Variants in ENAH observed in about 807,000 individuals in gnomAD.
The protein encoded by ENAH is protein enabled homolog.
A neutral mutation model predicts 78.7 loss-of-function variants in ENAH; 23 were observed. The ratio of observed to expected loss-of-function variants is 0.29; its 90% CI spans 0.21 to 0.41. The LOEUF is 0.41. Among genes scored for constraint, ENAH ranks in the 10% least tolerant of loss-of-function variants. The pLI is 1.00. For synonymous variants in ENAH, 226 were observed against 241.0 expected, an observed-to-expected ratio of 0.94 and a Z score of 0.58; for missense variants, 544 against 691.0, an observed-to-expected ratio of 0.79 and a Z score of 2.39.
chr1:225,583,874 C>T (rs1025911267), intron 1 of ENAH, among the ~76,000 whole-genome samples: 4 of 151,672 alleles, frequency 2.6e-5, no homozygotes, highest in Middle Eastern at 3.4e-3. Flanking sequence ...AAATGTAGGC[C>T]GGGCACAGTG....
At chr1:225,648,758 C>T (rs1421440841) in intron 1 of ENAH, among the ~76,000 whole-genome samples, 6 of 134,670 alleles carry the variant, frequency 4.5e-5, no homozygotes, top group East Asian at 2.1e-4. Flanking sequence ...AGATTATCTC[C>T]TTTTTTTTTT....
intron 1 of ENAH, among the ~76,000 whole-genome samples, chr1:225,635,851 T>C (rs1659970108): frequency 6.6e-6 from 1 of 152,194 alleles, no homozygotes; most frequent in African/African-American, 2.4e-5. Flanking sequence ...AGCCCAGGAA[T>C]GCCAAAGACT....
intron 1 of ENAH, among the ~76,000 whole-genome samples, chr1:225,598,168 AC>A (rs1224009996): frequency 4.6e-5 from 7 of 152,196 alleles, no homozygotes; most frequent in Non-Finnish European, 8.8e-5. Flanking sequence ...GAGTTCTTCC[AC>A]TTACAAGAGG....
At chr1:225,546,267 C>T (rs532222270) in intron 3 of ENAH, among the ~76,000 whole-genome samples, 1 of 152,218 alleles carries the variant, frequency 6.6e-6, no homozygotes, top group Admixed American at 6.5e-5. Flanking sequence ...GGATAAGCTA[C>T]TATCAAATAT....
chr1:225,647,016 G>A (rs1011438907), intron 1 of ENAH, among the ~76,000 whole-genome samples: 2 of 151,678 alleles, frequency 1.3e-5, no homozygotes, highest in Admixed American at 1.3e-4. Context: ...CACGAGGTCA[G>A]GAGATCAAGA....
At chr1:225,639,793 T>C (rs1309115846) in intron 1 of ENAH, among the ~76,000 whole-genome samples, 1 of 151,532 alleles carries the variant, frequency 6.6e-6, no homozygotes, top group African/African-American at 2.4e-5. Context: ...TCAATGTGAA[T>C]CCTGGAAGCC....
chr1:225,517,480 G>A (rs761832373), intron 5 of ENAH, 174 bp from the exon 6 acceptor site: 1 of 1,551,598 alleles, frequency 6.4e-7, no homozygotes, highest in African/African-American at 1.4e-5. Context: ...CACTGGATAT[G>A]TTACAGAGTC....
chr1:225,529,395 A>ATC (rs1166370643), intron 4 of ENAH, among the ~76,000 whole-genome samples: 1 of 152,098 alleles, frequency 6.6e-6, no homozygotes, highest in South Asian at 2.1e-4. Flanking sequence ...TCTCAATGAG[A>ATC]TCTACCCTGA....
In ENAH at chr1:225,512,969, G is replaced by A; in HGVS notation, c.1266C>T (p.Asn422=). ...CTGTATCTGTTTTAGATGAGGCGGA[G>A]TTCACACCAATAGCATTCCCTCCAC... is the stretch of plus-strand genomic sequence containing the variant. ...FPSGGNAIGV[N]SASSKTDTGR... is the part of the protein sequence containing the mutation. Residue 422 remains asparagine, a synonymous_variant, in exon 8 of 14, where the codon AAC becomes AAT. Coordinates refer to ENST00000366843, the MANE Select transcript of ENAH (RefSeq NM_018212.6). 1 of 1,613,834 alleles carries A rather than the reference G, an allele frequency of 6.2e-7. No homozygotes were observed. Among genetic ancestry groups the A allele is most frequent in the African/African-American group, 1.3e-5 (1 of 74,998 alleles).
intron 3 of ENAH, among the ~76,000 whole-genome samples, chr1:225,552,897 T>C (rs943021161): frequency 1.3e-5 from 2 of 152,166 alleles, no homozygotes; most frequent in African/African-American, 4.8e-5. Context: ...GAGAATGTAA[T>C]TGAGTCTCTC....
intron 1 of ENAH, among the ~76,000 whole-genome samples, chr1:225,615,200 G>A (rs1209154545): frequency 2.0e-5 from 3 of 152,246 alleles, no homozygotes; most frequent in East Asian, 1.9e-4. Context: ...GCGCCGCCAC[G>A]CCTGACTGGT....
chr1:225,507,457 T>C lies in ENAH; in HGVS notation c.1538+494A>G, dbSNP rs913274920. On this transcript the variant is annotated intron_variant, in intron 11 of 13. Transcript: ENST00000366843. ...AAATTTCTTGAGAGTAATAATGGTA[T>C]TGTGGTTACATAGCAGATGTCCTGG... Among the ~76,000 whole-genome samples the C allele has an allele frequency of 4.6e-5, 7 of 152,224 alleles. No homozygotes were observed. The South Asian group carries it at 1.5e-3, about 32-fold the overall frequency.
In ENAH at chr1:225,495,216, C is replaced by G. The variant is rs1403435316; in HGVS notation, c.*2559G>C. 6.6e-6 allele frequency: 1 copy of G among 152,572 alleles called. No individual in the cohort carries two copies. Among genetic ancestry groups the G allele is most frequent in the Non-Finnish European group, 1.5e-5 (1 of 68,026 alleles). 9.5% of individuals were successfully genotyped at this position (152,572 alleles called of 1,614,324 possible). A position where few individuals can be genotyped will look rare whatever the true frequency, so the allele number is the denominator to read the frequency against. ...TAGAAAGGATCCCCTAAACTGTACTCAGCTTAAGACATCCAACGTACAAGA... is the reference window on the plus strand; with the variant it reads ...TAGAAAGGATCCCCTAAACTGTACTGAGCTTAAGACATCCAACGTACAAGA... On this transcript the variant is annotated 3_prime_UTR_variant, in exon 14 of 14. Transcript: ENST00000366843.
intron 6 of ENAH, 85 bp from the exon 7 acceptor site, chr1:225,514,985 GC>G (rs903291008): frequency 3.4e-5 from 38 of 1,122,388 alleles, no homozygotes; most frequent in Non-Finnish European, 2.0e-5. Context: ...AGAATGCCAT[GC>G]TAAATTAAAC....
chr1:225,562,229 C>T (rs1332271272), intron 2 of ENAH, among the ~76,000 whole-genome samples: 1 of 151,848 alleles, frequency 6.6e-6, no homozygotes. Context: ...CCAACATTCC[C>T]ATTCTTTACT....
At chr1:225,521,058 GCA>G (rs1011660392) in intron 4 of ENAH, among the ~76,000 whole-genome samples, 1 of 151,430 alleles carries the variant, frequency 6.6e-6, no homozygotes, top group African/African-American at 2.4e-5. Context: ...GCACGCGCGC[GCA>G]CACACACACA....
intron 12 of ENAH, 63 bp downstream of exon 12, chr1:225,500,929 A>T (rs1219117004): frequency 5.7e-6 from 8 of 1,408,328 alleles, no homozygotes; most frequent in Non-Finnish European, 7.0e-6. Context: ...AAAGATATGC[A>T]TATGGGATAT....
At chr1:225,557,858 T>G (rs1389656278) in intron 2 of ENAH, among the ~76,000 whole-genome samples, 1 of 152,052 alleles carries the variant, frequency 6.6e-6, no homozygotes, top group South Asian at 2.1e-4. Flanking sequence ...AAATGACTTT[T>G]CATGTAATAA....
intron 3 of ENAH, among the ~76,000 whole-genome samples, chr1:225,550,234 C>T (rs912230971): frequency 6.6e-6 from 1 of 152,180 alleles, no homozygotes; most frequent in East Asian, 1.9e-4. Flanking sequence ...ATCACCTTCT[C>T]TTCAAAGCTT....
Sources: gnomAD v4.1 joint callset for allele counts (sites outside exome capture counted in the v4.1 genomes callset) on GRCh38, gnomAD v4.1.1 for gene constraint, MANE v1.5 for transcripts, NCBI Gene and HGNC (gene_info 2026-07-23, HGNC 2026-07-21) for gene names.